The following HRAS variants were observed in gnomAD, a reference collection of about 807,000 sequenced individuals.
HRAS encodes GTPase HRas.
HRAS carries 11 observed loss-of-function variants against 19.8 expected under a neutral mutation model. The ratio of observed to expected loss-of-function variants is 0.55; its 90% CI spans 0.35 to 0.92. HRAS has a LOEUF of 0.92. Among genes scored for constraint, HRAS ranks in the 40% least tolerant of loss-of-function variants. The pLI, the probability that HRAS is intolerant of heterozygous loss-of-function variation, is 0.01. For missense variants in HRAS, 204 were observed against 255.9 expected, an observed-to-expected ratio of 0.80 and a Z score of 1.38; for synonymous variants, 149 against 105.5, an observed-to-expected ratio of 1.41 and a Z score of -2.52.
chr11:532,602 G>A lies in HRAS; in HGVS notation c.*5+29C>T, dbSNP rs200714754. 1.6e-4 allele frequency: 262 copies of A among 1,599,584 alleles called. No homozygotes were observed. The African/African-American group carries it at 2.6e-3, about 16-fold the overall frequency. ...GGGGAGCCGGGGTCATCCGGTGGGC[G>A]TGGCGGCCGCCCTGGGAGTCCCCCT... On this transcript the variant is annotated intron_variant, in intron 5 of 5. Transcript: ENST00000311189.
rs779600254 is a variant in HRAS, at chr11:534,248, C to T, written c.75G>A (p.Gln25=). 1 of 1,613,588 alleles carries T rather than the reference C, an allele frequency of 6.2e-7. No individual in the cohort carries two copies. Among genetic ancestry groups the T allele is most frequent in the Non-Finnish European group, 8.5e-7 (1 of 1,179,888 alleles). Residue 25 remains glutamine, a synonymous_variant, in exon 2 of 6, where the codon CAG becomes CAA. Transcript: ENST00000311189. The part of the protein sequence containing the change: ...GKSALTIQLI[Q]NHFVDEYDPT... ...GGTCGTATTCGTCCACAAAATGGTT[C>T]TGGATCAGCTGGATGGTCAGCGCAC...
At position 534,216 on chromosome 11, in the gene HRAS, A is replaced by G. The variant is rs775056058; in HGVS notation, c.107T>C (p.Ile36Thr). 3 of 1,610,908 alleles carry G rather than the reference A, an allele frequency of 1.9e-6. No homozygotes were observed. The highest frequency in any genetic ancestry group is 2.5e-6 in the Non-Finnish European group (3 of 1,177,548). ...GGACGGCGGCGCCAGGCTCACCTCT[A>G]TAGTGGGGTCGTATTCGTCCACAAA... ...NHFVDEYDPT[I>T]EDSYRKQVVI... Residue 36 changes from isoleucine to threonine, a missense_variant, in exon 2 of 6, where the codon ATA becomes ACA. By Grantham distance (89) the Ile-to-Thr change is moderately conservative (BLOSUM62 -1). Coordinates refer to ENST00000311189, the MANE Select transcript of HRAS (RefSeq NM_005343.4).
chr11:533,200 C>G, intron 4 of HRAS: 1 of 1,289,896 alleles, frequency 7.8e-7, no homozygotes, highest in Non-Finnish European at 1.1e-6. Flanking sequence ...GGAGCTGTGT[C>G]GGCCCAGGAC....
chr11:532,489 C>T lies in HRAS; in HGVS notation c.*39G>A. 2.7e-6 allele frequency: 3 copies of T among 1,102,524 alleles called. No individual in the cohort carries two copies. In the South Asian group the frequency reaches 4.4e-5, roughly 16 times the overall value. The allele number at this position is 1,102,524 out of a possible 1,614,324, so 68.3% of individuals were successfully genotyped here. A position where few individuals can be genotyped will look rare whatever the true frequency, so the allele number is the denominator to read the frequency against. ...CTCCTCCTTCCGTCTGCACCTCCTT[C>T]CTGCATCCGGCACCTCCATGTCCTG... On this transcript the variant is annotated 3_prime_UTR_variant, in exon 6 of 6. Transcript: ENST00000311189.
Position 533,837 on chromosome 11 carries a change from G to A in HRAS, c.219C>T (p.Arg73=), listed in dbSNP as rs749870259. Reference sequence around the variant, plus strand: ...ACACACACAGGAAGCCCTCCCCGGTGCGCATGTACTGGTCCCGCATGGCGC... The same window carrying A: ...ACACACACAGGAAGCCCTCCCCGGTACGCATGTACTGGTCCCGCATGGCGC... ...EYSAMRDQYM[R]TGEGFLCVFA... The change falls in exon 3 of 6, where the codon CGC becomes CGT. Residue 73 remains arginine, a synonymous_variant. Transcript: ENST00000311189. 2.9e-5 allele frequency: 47 copies of A among 1,613,262 alleles called. No individual in the cohort carries two copies. Among genetic ancestry groups the A allele is most frequent in the Non-Finnish European group, 3.1e-5 (36 of 1,180,010 alleles).
Position 532,457 on chromosome 11 carries a change from TTCCTTCCTCC to T in HRAS, c.*61_*70del. Reference sequence around the variant, plus strand: ...CTTCCTTCCTTCCTTGCTTCCGTCCTTCCTTCCTCCTCCTTCCGTCTGCACCTCCTTCCTG... The same window carrying T: ...CTTCCTTCCTTCCTTGCTTCCGTCCTTCCTTCCGTCTGCACCTCCTTCCTG... On this transcript the variant is annotated 3_prime_UTR_variant, in exon 6 of 6. Transcript: ENST00000311189. 3 of 870,878 alleles carry T rather than the reference TTCCTTCCTCC, an allele frequency of 3.4e-6. No homozygotes were observed. Among genetic ancestry groups the T allele is most frequent in the Non-Finnish European group, 5.3e-6 (3 of 569,328 alleles). 53.9% of individuals were successfully genotyped at this position (870,878 alleles called of 1,614,324 possible). A position where few individuals can be genotyped will look rare whatever the true frequency, so the allele number is the denominator to read the frequency against.
chr11:532,862 T>C (rs571783713), intron 4 of HRAS, 107 bp from the exon 5 acceptor site: 36 of 1,117,126 alleles, frequency 3.2e-5, no homozygotes, highest in African/African-American at 1.1e-4. Context: ...AGCTCCCGAC[T>C]CCACCAGCCA....
At chr11:532,551 CCG>C (rs1851165104) in intron 5 of HRAS, 29 bp from the exon 6 acceptor site, 1 of 1,555,328 alleles carries the variant, frequency 6.4e-7, no homozygotes, top group East Asian at 2.4e-5. Flanking sequence ...AGGCTGCTGA[CCG>C]CAGGCCAGGA....
Position 532,495 on chromosome 11 carries a change from T to C in HRAS, c.*33A>G. ...CTTCCGTCTGCACCTCCTTCCTGCA[T>C]CCGGCACCTCCATGTCCTGAGCTTG... On this transcript the variant is annotated 3_prime_UTR_variant, in exon 6 of 6. Transcript: ENST00000311189. 1 of 1,160,330 alleles carries C rather than the reference T, an allele frequency of 8.6e-7. No homozygotes were observed. The highest frequency in any genetic ancestry group is 1.4e-5 in the South Asian group (1 of 70,898). 71.9% of individuals were successfully genotyped at this position (1,160,330 alleles called of 1,614,324 possible).
In HRAS at chr11:532,703, A is replaced by G. The variant is rs756367459; in HGVS notation, c.503T>C (p.Leu168Pro). 1.2e-6 allele frequency: 2 copies of G among 1,613,216 alleles called. No homozygotes were observed. Among genetic ancestry groups the G allele is most frequent in the Non-Finnish European group, 1.7e-6 (2 of 1,179,990 alleles). ...TLVREIRQHK[L>P]RKLNPPDESG... ...CTCATCAGGAGGGTTCAGCTTCCGC[A>G]GCTTGTGCTGCCGGATCTCACGCAC... The change falls in exon 5 of 6, where the codon CTG (leucine) becomes CCG (proline). Residue 168 changes from leucine (L) to proline (P), a missense_variant. Physicochemically the swap from Leu to Pro is moderately conservative, Grantham distance 98. Transcript: ENST00000311189.
intron 2 of HRAS, 117 bp downstream of exon 2, chr11:534,095 G>C (rs1324102835): frequency 8.5e-7 from 1 of 1,170,026 alleles, no homozygotes; most frequent in Non-Finnish European, 1.3e-6. Context: ...AGAGGAAGCA[G>C]GAGACAGGGC....
rs957529281 is a variant in HRAS, at chr11:534,149, C to T, written c.111+63G>A. The T allele has an allele frequency of 8.0e-6, 11 of 1,374,786 alleles. No individual in the cohort carries two copies. The African/African-American group carries it at 8.5e-5, about 11-fold the overall frequency. The allele number at this position is 1,374,786 out of a possible 1,614,324, so 85.2% of individuals were successfully genotyped here. ...ACCAGGGGCTGCAGCCAGCCCTATC[C>T]TGGCTGTGTCCTGGGCTCGCCCGCA... On this transcript the variant is annotated intron_variant, in intron 2 of 5. Coordinates refer to ENST00000311189, the MANE Select transcript of HRAS (RefSeq NM_005343.4).
rs1404964598 is a variant in HRAS at position 535,493 on chromosome 11, C to T, written c.-131G>A. 2.0e-5 allele frequency: 3 copies of T among 147,330 alleles called. No homozygotes were observed. Among genetic ancestry groups the T allele is most frequent in the South Asian group, 1.9e-4 (1 of 5,400 alleles). 9.1% of individuals were successfully genotyped at this position (147,330 alleles called of 1,614,324 possible). ...GGGGCGGGGGCGGGGGCGCGCGGTTCGCCCCGCGCATGGGCTCCGTCCGCG... is the reference window on the plus strand; with the variant it reads ...GGGGCGGGGGCGGGGGCGCGCGGTTTGCCCCGCGCATGGGCTCCGTCCGCG... On this transcript the variant is annotated 5_prime_UTR_variant, in exon 1 of 6. Coordinates refer to ENST00000311189, the MANE Select transcript of HRAS (RefSeq NM_005343.4).
At position 532,315 on chromosome 11, in the gene HRAS, T is replaced by C. The variant is rs910111757; in HGVS notation, c.*213A>G. 19 of 501,270 alleles carry C rather than the reference T, an allele frequency of 3.8e-5. No individual in the cohort carries two copies. The Middle Eastern group carries it at 2.7e-3, about 70-fold the overall frequency. The allele number at this position is 501,270 out of a possible 1,614,324, so 31.1% of individuals were successfully genotyped here. A position where few individuals can be genotyped will look rare whatever the true frequency, so the allele number is the denominator to read the frequency against. Reference sequence around the variant, plus strand: ...GCCCACAGAGGCCTGGGAGGGGAGCTAAGGGCTGGGGTTCCGGTGGCATTT... The same window carrying C: ...GCCCACAGAGGCCTGGGAGGGGAGCCAAGGGCTGGGGTTCCGGTGGCATTT... On this transcript the variant is annotated 3_prime_UTR_variant, in exon 6 of 6. Coordinates refer to ENST00000311189, the MANE Select transcript of HRAS (RefSeq NM_005343.4).
chr11:532,658 C>T lies in HRAS; in HGVS notation c.548G>A (p.Ser183Asn). 3.7e-6 allele frequency: 6 copies of T among 1,612,638 alleles called. No homozygotes were observed. The highest frequency in any genetic ancestry group is 5.1e-6 in the Non-Finnish European group (6 of 1,179,964). The change falls in exon 5 of 6, where the codon AGC (serine) becomes AAC (asparagine). Residue 183 changes from serine to asparagine, a missense_variant. This residue lies in a region of HRAS where 142 missense variants were observed against 141.1 expected (regional missense o/e 1.01). Coordinates refer to ENST00000311189, the MANE Select transcript of HRAS (RefSeq NM_005343.4). ...GCGTCAGGAGAGCACACACTTGCAGCTCATGCAGCCGGGGCCACTCTCATC... is the reference window on the plus strand; with the variant it reads ...GCGTCAGGAGAGCACACACTTGCAGTTCATGCAGCCGGGGCCACTCTCATC... Reference protein sequence around the residue: ...PPDESGPGCMSCKCVLS With the variant: ...PPDESGPGCMNCKCVLS
In HRAS at chr11:533,440, A is replaced by G. The variant is rs752168787; in HGVS notation, c.450+13T>C. On this transcript the variant is annotated intron_variant, in intron 4 of 5. Transcript: ENST00000311189. ...GGGTCCCTGGCTAGCTGTGGGGTGGAGAGCTGCCTCACCTGCCGGGTCTTG... is the reference window on the plus strand; with the variant it reads ...GGGTCCCTGGCTAGCTGTGGGGTGGGGAGCTGCCTCACCTGCCGGGTCTTG... 6.2e-7 allele frequency: 1 copy of G among 1,612,002 alleles called. No individual in the cohort carries two copies. The highest frequency in any genetic ancestry group is 1.7e-4 in the Middle Eastern group (1 of 5,992).
intron 4 of HRAS, chr11:533,141 G>T: frequency 1.2e-6 from 1 of 801,726 alleles, no homozygotes; most frequent in Non-Finnish European, 1.9e-6. Context: ...CAGGGTCACC[G>T]CTCCGGCCTG....
At chr11:533,325 T>TC in intron 4 of HRAS, 128 bp downstream of exon 4, 7 of 1,603,572 alleles carry the variant, frequency 4.4e-6, no homozygotes, top group Non-Finnish European at 5.9e-6. Flanking sequence ...TCCCAGAGGG[T>TC]CCCGGAGCTG....
chr11:534,031 C>A (rs547844807), intron 2 of HRAS, 87 bp from the exon 3 acceptor site: 43 of 1,390,202 alleles, frequency 3.1e-5, no homozygotes, highest in Middle Eastern at 3.6e-4. Context: ...ACCTCTCATG[C>A]CCCTCATGCC....
Sources: gnomAD v4.1 joint callset for allele counts on GRCh38, gnomAD v4.1.1 for gene constraint, gnomAD v4.1.1 regional missense constraint, MANE v1.5 for transcripts, NCBI Gene and HGNC (gene_info 2026-07-23, HGNC 2026-07-21) for gene names.